KAZN: variants seen among roughly 807,000 people sequenced by gnomAD.
KAZN encodes kazrin, periplakin interacting protein, also known as kazrin.
KAZN carries 40 observed loss-of-function variants against 87.4 expected under a neutral mutation model. That is an observed-to-expected ratio of 0.46 (90% CI 0.36 to 0.60). The LOEUF (loss-of-function observed/expected upper bound fraction) is 0.60, where lower values mean the gene tolerates loss of function less well. Ranked by LOEUF, KAZN falls within the 20% of genes least tolerant of loss-of-function variation. The pLI is 0.00. For missense variants in KAZN, 898 were observed against 1,073.9 expected, an observed-to-expected ratio of 0.84 and a Z score of 2.29; for synonymous variants, 466 against 458.3, an observed-to-expected ratio of 1.02 and a Z score of -0.22.
chr1:15,065,591 T>C (rs1336416531), intron 7 of KAZN, 39 bp from the exon 8 acceptor site: 1 of 1,544,964 alleles, frequency 6.5e-7, no homozygotes, highest in East Asian at 2.3e-5. Flanking sequence ...GCTTTCTTCT[T>C]CTCCCCCACC....
At chr1:14,877,174 T>C (rs1572708174) in intron 1 of KAZN, among the ~76,000 whole-genome samples, 1 of 152,168 alleles carries the variant, frequency 6.6e-6, no homozygotes, top group African/African-American at 2.4e-5. Flanking sequence ...TTGGACTCTC[T>C]TCTCACCACC....
intron 1 of KAZN, among the ~76,000 whole-genome samples, chr1:14,703,270 C>G (rs1442851917): frequency 6.6e-6 from 1 of 152,160 alleles, no homozygotes; most frequent in Non-Finnish European, 1.5e-5. Flanking sequence ...GGTAGTGTCC[C>G]CACCCAAATC....
chr1:14,960,972 G>C (rs1663788388), intron 2 of KAZN, 97 bp downstream of exon 2: 3 of 1,313,778 alleles, frequency 2.3e-6, no homozygotes, highest in Non-Finnish European at 3.1e-6. Flanking sequence ...GATGGACACA[G>C]GGGTCTCCCA....
At chr1:14,202,870 T>C (rs1016425507) in intron 2 of KAZN, among the ~76,000 whole-genome samples, 12 of 151,960 alleles carry the variant, frequency 7.9e-5, no homozygotes, top group African/African-American at 2.7e-4. Context: ...TATAAAAAGT[T>C]AGCTGGGCAT....
chr1:15,000,376 T>TA (rs1248290651), intron 2 of KAZN, among the ~76,000 whole-genome samples: 1 of 151,810 alleles, frequency 6.6e-6, no homozygotes, highest in African/African-American at 2.4e-5. Flanking sequence ...AACTATAAAA[T>TA]AATACATCAG....
intron 1 of KAZN, among the ~76,000 whole-genome samples, chr1:13,994,210 G>T (rs992689882): frequency 1.3e-5 from 2 of 152,086 alleles, no homozygotes; most frequent in Non-Finnish European, 2.9e-5. Flanking sequence ...GTCCCTTCTG[G>T]ACAAAGCCCA....
intron 2 of KAZN, among the ~76,000 whole-genome samples, chr1:14,514,615 A>ATTTTC (rs1553182614): frequency 0.075 from 2,432 of 32,428 alleles, 197 homozygotes; most frequent in Non-Finnish European, 0.12. Flanking sequence ...ATATATATAT[A>ATTTTC]TATATATATA....
intron 1 of KAZN, among the ~76,000 whole-genome samples, chr1:14,070,521 G>A (rs1039409845): frequency 1.3e-5 from 2 of 152,170 alleles, no homozygotes; most frequent in African/African-American, 2.4e-5. Context: ...ATTTAATGAT[G>A]AGGATTTACA....
At chr1:14,153,218 A>G (rs1004687582) in intron 1 of KAZN, among the ~76,000 whole-genome samples, 29 of 152,150 alleles carry the variant, frequency 1.9e-4, no homozygotes, top group African/African-American at 6.8e-4. Flanking sequence ...ACATATGTCC[A>G]TATTTGCTTT....
At chr1:14,483,488 A>G (rs1292726027) in intron 2 of KAZN, among the ~76,000 whole-genome samples, 1 of 152,236 alleles carries the variant, frequency 6.6e-6, no homozygotes, top group Non-Finnish European at 1.5e-5. Flanking sequence ...TATTTTGGAT[A>G]TAAACCTCTG....
chr1:14,201,452 G>A (rs960394248), intron 2 of KAZN, among the ~76,000 whole-genome samples: 3 of 152,138 alleles, frequency 2.0e-5, no homozygotes, highest in African/African-American at 4.8e-5. Flanking sequence ...TGGCTGCCCC[G>A]GAGCAGCTGG....
chr1:14,947,288 GGAGGATGGAT>G (rs1344326129), intron 1 of KAZN, among the ~76,000 whole-genome samples: 1 of 152,204 alleles, frequency 6.6e-6, no homozygotes, highest in Non-Finnish European at 1.5e-5. Context: ...TGGGGAAGAG[GGAGGATGGAT>G]GAGGATGGAT....
At chr1:14,945,895 T>A in intron 1 of KAZN, 1 of 985,436 alleles carries the variant, frequency 1.0e-6, no homozygotes, top group Non-Finnish European at 1.2e-6. Context: ...GTCGCCTCCA[T>A]GGAGTCAGGC....
chr1:13,981,389 T>G (rs1212668014), intron 1 of KAZN, among the ~76,000 whole-genome samples: 1 of 151,484 alleles, frequency 6.6e-6, no homozygotes, highest in African/African-American at 2.4e-5. Flanking sequence ...TATTTTAATA[T>G]TACAGTGAGC....
At chr1:14,452,378 T>G (rs780114676) in intron 2 of KAZN, among the ~76,000 whole-genome samples, 4 of 152,208 alleles carry the variant, frequency 2.6e-5, no homozygotes, top group Admixed American at 6.5e-5. Flanking sequence ...GGCATCTCAT[T>G]ACACATCTAG....
chr1:14,676,262 CT>C (rs1329585645), intron 1 of KAZN, among the ~76,000 whole-genome samples: 9 of 152,230 alleles, frequency 5.9e-5, no homozygotes, highest in African/African-American at 2.2e-4. Context: ...CAAGGCCAAG[CT>C]GAAATGATCT....
chr1:13,915,368 G>A (rs1400353303), intron 1 of KAZN, among the ~76,000 whole-genome samples: 1 of 152,186 alleles, frequency 6.6e-6, no homozygotes, highest in Non-Finnish European at 1.5e-5. Flanking sequence ...AAATGTTTTA[G>A]TCTATAACAT....
intron 1 of KAZN, among the ~76,000 whole-genome samples, chr1:14,693,168 GT>G: frequency 6.6e-6 from 1 of 152,300 alleles, no homozygotes; most frequent in Admixed American, 6.5e-5. Flanking sequence ...CCTCAAGGTT[GT>G]TTTGGCTTTC....
chr1:14,352,641 T>C lies in KAZN; in HGVS notation c.249+172049T>C, dbSNP rs16854054. Among the ~76,000 whole-genome samples, 903 of 152,290 alleles carry C rather than the reference T, an allele frequency of 5.9e-3. 29 individuals are homozygous for C. In the East Asian group the frequency reaches 0.099, roughly 17 times the overall value. On this transcript the variant is annotated intron_variant, in intron 2 of 16. Coordinates refer to the KAZN transcript ENST00000636203. Reference sequence around the variant, plus strand: ...AGTAATTCCTTCAACAACCTATTTTTACATTCTTAGTCACGTGAGAGAAAA... The same window carrying C: ...AGTAATTCCTTCAACAACCTATTTTCACATTCTTAGTCACGTGAGAGAAAA...
Sources: allele counts gnomAD v4.1 joint callset (sites outside exome capture counted in the v4.1 genomes callset), GRCh38; gene constraint gnomAD v4.1.1; transcripts MANE v1.5; gene names NCBI Gene and HGNC (gene_info 2026-07-23, HGNC 2026-07-21).